FOXP2: variants seen among roughly 807,000 people sequenced by gnomAD.
FOXP2 encodes the protein forkhead box protein P2.
FOXP2 carries 12 observed loss-of-function variants against 115.8 expected under a neutral mutation model. The ratio of observed to expected loss-of-function variants is 0.10; its 90% CI spans 0.07 to 0.17. The LOEUF is 0.17. Ranked by LOEUF, FOXP2 falls within the 10% of genes least tolerant of loss-of-function variation. The pLI is 1.00. For synonymous variants in FOXP2, 328 were observed against 297.7 expected (o/e 1.10, Z -1.05); for missense variants, 629 against 843.5 (o/e 0.75, Z 3.15).
chr7:114,299,952 A>G (rs1253411483), intron 2 of FOXP2, among the ~76,000 whole-genome samples: 1 of 152,108 alleles, frequency 6.6e-6, no homozygotes, highest in African/African-American at 2.4e-5. Flanking sequence ...TCAGGTTGAC[A>G]TAGATATTCC....
intron 1 of FOXP2, among the ~76,000 whole-genome samples, chr7:114,198,271 A>G (rs1793965282): frequency 6.6e-6 from 1 of 152,194 alleles, no homozygotes; most frequent in Non-Finnish European, 1.5e-5. Context: ...ATTGGAAACA[A>G]TAGGTCATTG....
At chr7:114,518,595 C>G (rs1464588937) in intron 2 of FOXP2, among the ~76,000 whole-genome samples, 1 of 152,000 alleles carries the variant, frequency 6.6e-6, no homozygotes, top group Non-Finnish European at 1.5e-5. Context: ...CTCTACCTCC[C>G]AGGTTCAAGC....
chr7:114,318,141 T>C (rs938894175), intron 2 of FOXP2, among the ~76,000 whole-genome samples: 13 of 152,342 alleles, frequency 8.5e-5, no homozygotes, highest in African/African-American at 2.9e-4. Flanking sequence ...TTTTCCAATT[T>C]ACTGTTCTAA....
intron 3 of FOXP2, among the ~76,000 whole-genome samples, chr7:114,552,259 T>C (rs1331213184): frequency 6.6e-6 from 1 of 152,196 alleles, no homozygotes; most frequent in East Asian, 1.9e-4. Context: ...TCATGCTTTA[T>C]AATAAAGGTA....
chr7:114,675,743 G>T (rs1807718008), intron 16 of FOXP2, among the ~76,000 whole-genome samples: 1 of 151,964 alleles, frequency 6.6e-6, no homozygotes, highest in Non-Finnish European at 1.5e-5. Context: ...GCTATTTTGA[G>T]AAGTAGTCAA....
At chr7:114,338,015 T>C (rs1584647271) in intron 2 of FOXP2, among the ~76,000 whole-genome samples, 1 of 151,278 alleles carries the variant, frequency 6.6e-6, no homozygotes, top group East Asian at 1.9e-4. Context: ...TTTAAGGACT[T>C]CTATTTTTAA....
intron 2 of FOXP2, among the ~76,000 whole-genome samples, chr7:114,387,059 A>C (rs1792471605): frequency 6.6e-6 from 1 of 152,212 alleles, no homozygotes; most frequent in African/African-American, 2.4e-5. Flanking sequence ...TACTAAATTT[A>C]ACTTCAAAAG....
intron 1 of FOXP2, among the ~76,000 whole-genome samples, chr7:114,252,770 G>A (rs1183736824): frequency 1.3e-5 from 2 of 151,120 alleles, no homozygotes; most frequent in South Asian, 2.1e-4. Context: ...TTTTTTGAAG[G>A]GTTTTTTGTG....
At chr7:114,308,236 G>T (rs912766511) in intron 2 of FOXP2, among the ~76,000 whole-genome samples, 73 of 152,148 alleles carry the variant, frequency 4.8e-4, no homozygotes, top group Non-Finnish European at 5.3e-4. Flanking sequence ...AACCCACCTT[G>T]GTCCTCATAG....
chr7:114,576,642 G>A (rs961765707), intron 3 of FOXP2, among the ~76,000 whole-genome samples: 22 of 151,764 alleles, frequency 1.4e-4, no homozygotes, highest in Non-Finnish European at 7.4e-5. Context: ...TATGTATGTG[G>A]CAATAATATT....
At chr7:114,662,550 A>C (rs1365280742) in intron 14 of FOXP2, among the ~76,000 whole-genome samples, 1 of 152,116 alleles carries the variant, frequency 6.6e-6, no homozygotes, top group East Asian at 1.9e-4. Flanking sequence ...AATGAGGCTA[A>C]TTTTGCATAT....
chr7:114,692,161 T>A lies in FOXP2; in HGVS notation c.*2235T>A. 2.2e-6 allele frequency: 1 copy of A among 453,812 alleles called. No individual in the cohort carries two copies. 28.1% of individuals were successfully genotyped at this position (453,812 alleles called of 1,614,324 possible). A position where few individuals can be genotyped will look rare whatever the true frequency, so the allele number is the denominator to read the frequency against. The stretch of plus-strand genomic sequence containing the variant: ...AGGATTATCTGAAAGGAAAAATGGG[T>A]CTTTCAGGTGCATGTTCAAAAGGCT... On this transcript the variant is annotated 3_prime_UTR_variant, in exon 17 of 17. Transcript: ENST00000350908.
Position 114,692,522 on chromosome 7 carries a change from A to T in FOXP2, c.*2596A>T, listed in dbSNP as rs1459875275. ...CCCATAAATGACCAGACTTTTTCTAAGAAAAATGTTGCTTTAATGCATTTC... is the reference window on the plus strand; with the variant it reads ...CCCATAAATGACCAGACTTTTTCTATGAAAAATGTTGCTTTAATGCATTTC... On this transcript the variant is annotated 3_prime_UTR_variant, in exon 17 of 17. Coordinates refer to ENST00000350908, the MANE Select transcript of FOXP2 (RefSeq NM_014491.4). 4.4e-6 allele frequency: 2 copies of T among 454,030 alleles called. No homozygotes were observed. The highest frequency in any genetic ancestry group is 2.4e-5 in the Admixed American group (1 of 42,508). 28.1% of individuals were successfully genotyped at this position (454,030 alleles called of 1,614,324 possible). A position where few individuals can be genotyped will look rare whatever the true frequency, so the allele number is the denominator to read the frequency against.
upstream of FOXP2, among the ~76,000 whole-genome samples, chr7:114,412,976 C>T (rs955449783): frequency 2.6e-5 from 4 of 152,056 alleles, no homozygotes; most frequent in Non-Finnish European, 5.9e-5. Flanking sequence ...TTTTGAATGT[C>T]AGAGGTATCA....
intron 2 of FOXP2, among the ~76,000 whole-genome samples, chr7:114,336,796 G>GA (rs1229595357): frequency 6.6e-6 from 1 of 151,378 alleles, no homozygotes; most frequent in Non-Finnish European, 1.5e-5. Context: ...GAAGAGGGGA[G>GA]AAAAAAACCC....
intron 1 of FOXP2, among the ~76,000 whole-genome samples, chr7:114,283,341 C>A (rs1796385900): frequency 6.6e-6 from 1 of 152,072 alleles, no homozygotes; most frequent in East Asian, 1.9e-4. Flanking sequence ...AACTATATAA[C>A]ACATGTATTT....
intron 1 of FOXP2, among the ~76,000 whole-genome samples, chr7:114,270,568 T>G (rs1197267658): frequency 6.6e-6 from 1 of 152,302 alleles, no homozygotes; most frequent in African/African-American, 2.4e-5. Context: ...TGACATAGGT[T>G]GTTAAGCATG....
At chr7:114,230,422 AT>A (rs1445750806) in intron 1 of FOXP2, among the ~76,000 whole-genome samples, 3 of 151,948 alleles carry the variant, frequency 2.0e-5, no homozygotes, top group African/African-American at 7.2e-5. Context: ...CACTACACAA[AT>A]GAAAACTGTG....
At chr7:114,623,618 G>T (rs1211615845) in intron 3 of FOXP2, among the ~76,000 whole-genome samples, 4 of 151,764 alleles carry the variant, frequency 2.6e-5, no homozygotes, top group African/African-American at 9.7e-5. Flanking sequence ...TGAGCAGTCT[G>T]GTTTTCACCA....
Sources: allele counts gnomAD v4.1 joint callset (sites outside exome capture counted in the v4.1 genomes callset), GRCh38; gene constraint gnomAD v4.1.1; transcripts MANE v1.5; gene names NCBI Gene and HGNC (gene_info 2026-07-23, HGNC 2026-07-21).